The following NCOA1 variants were observed in gnomAD, a reference collection of about 807,000 sequenced individuals.
The protein encoded by NCOA1 is nuclear receptor coactivator 1, also known as Hin-2 protein.
NCOA1 carries 35 observed loss-of-function variants against 150.9 expected under a neutral mutation model. That is an observed-to-expected ratio of 0.23 (90% CI 0.18 to 0.31). NCOA1 has a LOEUF of 0.31. NCOA1 is among the 10% of genes least tolerant of loss of function. The pLI, the probability that NCOA1 is intolerant of heterozygous loss-of-function variation, is 1.00. For synonymous variants in NCOA1, 590 were observed against 630.0 expected, an observed-to-expected ratio of 0.94 and a Z score of 0.95; for missense variants, 1,491 against 1,749.3, an observed-to-expected ratio of 0.85 and a Z score of 2.63.
chr2:24,745,082 A>T (rs1663825794), intron 19 of NCOA1, among the ~76,000 whole-genome samples: 1 of 151,962 alleles, frequency 6.6e-6, no homozygotes, highest in South Asian at 2.1e-4. Flanking sequence ...AAAACAAGAA[A>T]CTTTTCTAGA....
chr2:24,576,174 T>TTGTTTTTTTTTTTG (rs1558806632), intron 2 of NCOA1, among the ~76,000 whole-genome samples: 1 of 41,490 alleles, frequency 2.4e-5, no homozygotes, highest in African/African-American at 5.6e-5. Flanking sequence ...TTTTTTGTTT[T>TTGTTTTTTTTTTTG]TTTTTTTTTT....
intron 17 of NCOA1, among the ~76,000 whole-genome samples, chr2:24,732,357 C>T (rs1425380740): frequency 1.3e-5 from 2 of 152,168 alleles, no homozygotes; most frequent in African/African-American, 2.4e-5. Context: ...ATGTTATAAG[C>T]CCCATGTATG....
chr2:24,547,857 C>T (rs766547546), intron 1 of NCOA1, among the ~76,000 whole-genome samples: 12 of 151,842 alleles, frequency 7.9e-5, no homozygotes, highest in South Asian at 4.2e-4. Flanking sequence ...AGCCTGGTGG[C>T]GGGCACCCGT....
intron 1 of NCOA1, among the ~76,000 whole-genome samples, chr2:24,500,156 T>C (rs1176106276): frequency 1.3e-5 from 2 of 152,160 alleles, no homozygotes; most frequent in Non-Finnish European, 2.9e-5. Context: ...TCGCCCAGGC[T>C]GGAGTGCAAT....
chr2:24,736,143 C>A (rs1239230064), intron 17 of NCOA1, among the ~76,000 whole-genome samples: 2 of 151,560 alleles, frequency 1.3e-5, no homozygotes, highest in African/African-American at 4.9e-5. Context: ...ATCGCTTGAA[C>A]CCAGGAGGTG....
chr2:24,516,518 G>A (rs11680192), intron 1 of NCOA1, among the ~76,000 whole-genome samples: 77,038 of 150,916 alleles, frequency 0.51, 21,509 homozygotes, highest in Admixed American at 0.67. Flanking sequence ...TTGAGGGGAG[G>A]AGCAAAGATA....
At chr2:24,644,348 A>C (rs1476117840) in intron 4 of NCOA1, among the ~76,000 whole-genome samples, 1 of 151,876 alleles carries the variant, frequency 6.6e-6, no homozygotes, top group Non-Finnish European at 1.5e-5. Context: ...TTATGATGAG[A>C]CCCTCAAAGT....
intron 1 of NCOA1, among the ~76,000 whole-genome samples, chr2:24,506,282 A>G (rs940448940): frequency 2.6e-5 from 4 of 151,994 alleles, no homozygotes; most frequent in African/African-American, 9.7e-5. Flanking sequence ...TGCTTGTATT[A>G]TGTAGTCATC....
chr2:24,543,731 G>A (rs533229669), intron 1 of NCOA1, among the ~76,000 whole-genome samples: 1 of 152,236 alleles, frequency 6.6e-6, no homozygotes, highest in East Asian at 1.9e-4. Context: ...TTAGTTGATT[G>A]CAGAGGGCAT....
At chr2:24,762,914 C>T (rs1572696883) in intron 22 of NCOA1, 138 bp downstream of exon 22, 3 of 719,152 alleles carry the variant, frequency 4.2e-6, no homozygotes, top group East Asian at 2.6e-5. Context: ...TTAGCTGTGT[C>T]GTCCTGGGCA....
chr2:24,502,442 C>A (rs1046364041), intron 1 of NCOA1, among the ~76,000 whole-genome samples: 1 of 152,076 alleles, frequency 6.6e-6, no homozygotes, highest in Non-Finnish European at 1.5e-5. Flanking sequence ...CAAAGTGGTC[C>A]CACTCCCCAG....
chr2:24,635,514 G>T (rs1377938678), intron 3 of NCOA1, among the ~76,000 whole-genome samples: 1 of 152,106 alleles, frequency 6.6e-6, no homozygotes, highest in Non-Finnish European at 1.5e-5. Flanking sequence ...AAACTGTCAG[G>T]TTTTATAAAA....
intron 9 of NCOA1, among the ~76,000 whole-genome samples, chr2:24,691,983 G>C (rs1672686761): frequency 6.6e-6 from 1 of 152,180 alleles, no homozygotes; most frequent in African/African-American, 2.4e-5. Context: ...ACCAGATGCA[G>C]CAGACTGTTG....
chr2:24,623,413 C>T (rs766999026), intron 3 of NCOA1, among the ~76,000 whole-genome samples: 4 of 152,128 alleles, frequency 2.6e-5, no homozygotes, highest in Non-Finnish European at 5.9e-5. Context: ...GGGAATTTAT[C>T]TTCTTCACTG....
chr2:24,705,824 C>T (rs1375115721), intron 12 of NCOA1, among the ~76,000 whole-genome samples: 1 of 152,110 alleles, frequency 6.6e-6, no homozygotes, highest in Non-Finnish European at 1.5e-5. Context: ...CCCCTCACTT[C>T]ATCTTTTTCT....
chr2:24,694,828 T>A (rs1014195811), intron 10 of NCOA1, among the ~76,000 whole-genome samples: 9 of 151,580 alleles, frequency 5.9e-5, no homozygotes, highest in Non-Finnish European at 8.8e-5. Flanking sequence ...TTTTTTAAAA[T>A]TTTTTTTTAA....
At chr2:24,753,218 G>A (rs1664335747) in intron 20 of NCOA1, among the ~76,000 whole-genome samples, 4 of 151,850 alleles carry the variant, frequency 2.6e-5, no homozygotes. Context: ...GGATTTTGTG[G>A]CCCATCATTA....
At position 24,566,304 on chromosome 2, in the gene NCOA1, C is replaced by T. The variant is rs185303645; in HGVS notation, c.-260+1874C>T. Among the ~76,000 whole-genome samples, 89 of 151,942 alleles carry T rather than the reference C, an allele frequency of 5.9e-4. 1 individual carries two copies. In the South Asian group the frequency reaches 9.6e-3, roughly 16 times the overall value. ...GGAGTTGGAGTGGGTAGCTCCTCTC[C>T]GCAGCTGGTCATCCCATCCTCTCCT... is the stretch of plus-strand genomic sequence containing the variant. On this transcript the variant is annotated intron_variant, in intron 2 of 22. Coordinates refer to ENST00000348332, the MANE Select transcript of NCOA1 (RefSeq NM_003743.5).
At chr2:24,711,813 A>G (rs1174417028) in intron 14 of NCOA1, among the ~76,000 whole-genome samples, 1 of 152,184 alleles carries the variant, frequency 6.6e-6, no homozygotes, top group Non-Finnish European at 1.5e-5. Context: ...TTTGCCCATC[A>G]CATTTTGATG....
Sources: gnomAD v4.1 joint callset for allele counts (sites outside exome capture counted in the v4.1 genomes callset) on GRCh38, gnomAD v4.1.1 for gene constraint, MANE v1.5 for transcripts, NCBI Gene and HGNC (gene_info 2026-07-23, HGNC 2026-07-21) for gene names.